ARMC10: variants seen among roughly 807,000 people sequenced by gnomAD.
The protein encoded by ARMC10 is armadillo repeat containing 10.
In ARMC10, 23 loss-of-function variants were observed where a neutral mutation model predicts 30.2. The observed-to-expected ratio is 0.76, with a 90% CI of 0.55 to 1.08. The LOEUF is 1.08. Among genes scored for constraint, ARMC10 ranks in the 50% least tolerant of loss-of-function variants. The pLI, the probability that ARMC10 is intolerant of heterozygous loss-of-function variation, is 0.00. For synonymous variants in ARMC10, 111 were observed against 164.4 expected (o/e 0.68, Z 2.48); for missense variants, 303 against 413.7 (o/e 0.73, Z 2.32).
intron 5 of ARMC10, among the ~76,000 whole-genome samples, chr7:103,093,110 A>G (rs1040174489): frequency 3.9e-5 from 6 of 152,248 alleles, no homozygotes; most frequent in African/African-American, 1.4e-4. Flanking sequence ...TATAAGAGGC[A>G]ACAGATATTG....
At position 103,076,187 on chromosome 7, in the gene ARMC10, T is replaced by G. The variant is rs137955657; in HGVS notation, c.244+306T>G. Among the ~76,000 whole-genome samples, 134 of 152,300 alleles carry G rather than the reference T, an allele frequency of 8.8e-4. 1 individual carries two copies. Among genetic ancestry groups the G allele is most frequent in the African/African-American group, 3.2e-3 (132 of 41,562 alleles). On this transcript the variant is annotated intron_variant, in intron 2 of 6. Coordinates refer to ENST00000323716, the MANE Select transcript of ARMC10 (RefSeq NM_031905.5). ...CAGGAAGAATTCTAATTCCTTTAAA[T>G]GTAGCTGGACAGATAGAACCGATTT...
intron 4 of ARMC10, among the ~76,000 whole-genome samples, chr7:103,091,725 C>T (rs951017216): frequency 2.0e-5 from 3 of 152,132 alleles, no homozygotes; most frequent in Non-Finnish European, 4.4e-5. Context: ...GTGCGCAGAC[C>T]GCAGACCAGT....
Position 103,086,770 on chromosome 7 carries a change from T to C in ARMC10, c.528+6T>C, listed in dbSNP as rs745987942. ...AAAATCAAATCAAGATAAAGGTAAG[T>C]TGACTGAAAATCACAAATGTATAAG... On this transcript the variant is annotated splice_donor_region_variant and intron_variant, in intron 4 of 6. Coordinates refer to ENST00000323716, the MANE Select transcript of ARMC10 (RefSeq NM_031905.5). The C allele has an allele frequency of 1.9e-6, 3 of 1,588,082 alleles. No individual in the cohort carries two copies. The highest frequency in any genetic ancestry group is 2.6e-6 in the Non-Finnish European group (3 of 1,172,666).
intron 4 of ARMC10, 126 bp from the exon 5 acceptor site, chr7:103,092,351 A>AG: frequency 2.1e-6 from 1 of 469,968 alleles, no homozygotes; most frequent in Non-Finnish European, 3.5e-6. Flanking sequence ...AAAAAAAAAA[A>AG]GTCGTATTTT....
intron 2 of ARMC10, among the ~76,000 whole-genome samples, chr7:103,081,421 G>T (rs894719614): frequency 6.6e-6 from 1 of 152,144 alleles, no homozygotes; most frequent in Non-Finnish European, 1.5e-5. Context: ...ACGCAAGCTG[G>T]AGTGCAGTGA....
chr7:103,094,207 CACT>C (rs1801580201), intron 5 of ARMC10, among the ~76,000 whole-genome samples: 1 of 151,380 alleles, frequency 6.6e-6, no homozygotes. Flanking sequence ...TTGGGTACAC[CACT>C]GATTGATAAC....
chr7:103,076,452 C>A (rs1799835491), intron 2 of ARMC10, among the ~76,000 whole-genome samples: 1 of 152,180 alleles, frequency 6.6e-6, no homozygotes, highest in African/African-American at 2.4e-5. Flanking sequence ...GAGTAGGTTT[C>A]AAAGAGTACG....
chr7:103,076,126 G>C (rs1799779610), intron 2 of ARMC10, among the ~76,000 whole-genome samples: 1 of 152,200 alleles, frequency 6.6e-6, no homozygotes, highest in African/African-American at 2.4e-5. Flanking sequence ...AAACTAAATT[G>C]CCTCACACAT....
intron 1 of ARMC10, 22 bp from the exon 2 acceptor site, chr7:103,075,755 A>G (rs766616442): frequency 2.8e-5 from 44 of 1,578,454 alleles, no homozygotes; most frequent in Non-Finnish European, 3.2e-5. Flanking sequence ...GCCCAGAGCC[A>G]TAGGTCAATC....
intron 1 of ARMC10, 49 bp from the exon 2 acceptor site, chr7:103,075,728 G>T: frequency 7.2e-7 from 1 of 1,389,424 alleles, no homozygotes. Context: ...TCCCGATTGT[G>T]GAAGGGCTGT....
chr7:103,084,191 T>G, intron 3 of ARMC10: 1 of 443,512 alleles, frequency 2.3e-6, no homozygotes, highest in South Asian at 2.2e-5. Flanking sequence ...ATCGGTCTTA[T>G]GAATATGATT....
In ARMC10 at chr7:103,085,363, C is replaced by T. The variant is rs527881270; in HGVS notation, c.394-1267C>T. 4.0e-5 allele frequency among the ~76,000 whole-genome samples: 6 copies of T among 151,898 alleles called. No homozygotes were observed. The South Asian group carries it at 1.0e-3, about 26-fold the overall frequency. On this transcript the variant is annotated intron_variant, in intron 3 of 6. Coordinates refer to ENST00000323716, the MANE Select transcript of ARMC10 (RefSeq NM_031905.5). ...CTTTTAATGCTAAGATCACCCTTAA[C>T]GGTAAAATGGAGTATTGAGCTATTT...
At chr7:103,090,629 C>T (rs1801225361) in intron 4 of ARMC10, among the ~76,000 whole-genome samples, 1 of 151,860 alleles carries the variant, frequency 6.6e-6, no homozygotes, top group Non-Finnish European at 1.5e-5. Context: ...TCCTGAGTAG[C>T]TGGGATTACA....
intron 2 of ARMC10, among the ~76,000 whole-genome samples, chr7:103,078,442 T>C (rs574419038): frequency 2.0e-5 from 3 of 152,290 alleles, no homozygotes; most frequent in South Asian, 2.1e-4. Flanking sequence ...CTGCACTCCT[T>C]CTCTTTCCTG....
At chr7:103,084,620 T>C (rs988632770) in intron 3 of ARMC10, among the ~76,000 whole-genome samples, 7 of 152,218 alleles carry the variant, frequency 4.6e-5, no homozygotes, top group African/African-American at 1.7e-4. Context: ...CAGCGAAGAA[T>C]AGCATTGATT....
chr7:103,096,442 A>G (rs1205166807), intron 5 of ARMC10: 1 of 152,232 alleles, frequency 6.6e-6, no homozygotes, highest in Non-Finnish European at 1.5e-5. Flanking sequence ...GCTTACCAAA[A>G]GGGGCCATAT....
At chr7:103,086,033 C>T (rs576772165) in intron 3 of ARMC10, among the ~76,000 whole-genome samples, 2 of 152,186 alleles carry the variant, frequency 1.3e-5, no homozygotes, top group East Asian at 1.9e-4. Flanking sequence ...GACATACTAT[C>T]GTCAACACAC....
rs755230564 is a variant in ARMC10 at position 103,086,633 on chromosome 7, A to G, written c.397A>G (p.Ile133Val). The G allele has an allele frequency of 5.1e-6, 8 of 1,570,840 alleles. No homozygotes were observed. The highest frequency in any genetic ancestry group is 4.8e-5 in the South Asian group (4 of 82,942). ...NNAAFSVNQA[I>V]IRELGGIPIV... ...TTTTTTTTTTTTCCCCTCGTAGGCTATTATTCGTGAATTGGGTGGTATTCC... is the reference window on the plus strand; with the variant it reads ...TTTTTTTTTTTTCCCCTCGTAGGCTGTTATTCGTGAATTGGGTGGTATTCC... The change falls in exon 4 of 7, where the codon ATT (isoleucine) becomes GTT (valine). Residue 133 changes from isoleucine (I) to valine (V), a missense_variant. Around this residue, in one of 4 missense-constraint regions of ARMC10, gnomAD observed 170 missense variants for 207.2 expected, o/e 0.82. Transcript: ENST00000323716.
At chr7:103,081,482 C>T (rs1020086847) in intron 2 of ARMC10, among the ~76,000 whole-genome samples, 1 of 152,224 alleles carries the variant, frequency 6.6e-6, no homozygotes, top group African/African-American at 2.4e-5. Flanking sequence ...AGCAATTTTC[C>T]CGCCTCGGCC....
Sources: gnomAD v4.1 joint callset for allele counts (sites outside exome capture counted in the v4.1 genomes callset) on GRCh38, gnomAD v4.1.1 for gene constraint, gnomAD v4.1.1 regional missense constraint, MANE v1.5 for transcripts, NCBI Gene and HGNC (gene_info 2026-07-23, HGNC 2026-07-21) for gene names.